The following DENND1A variants were observed in gnomAD, a reference collection of about 807,000 sequenced individuals.
DENND1A encodes DENN domain containing 1A.
A neutral mutation model predicts 113.7 loss-of-function variants in DENND1A; 51 were observed. The ratio of observed to expected loss-of-function variants is 0.45; its 90% CI spans 0.36 to 0.57. DENND1A has a LOEUF of 0.57. DENND1A is among the 20% of genes least tolerant of loss of function. The probability of loss-of-function intolerance (pLI) is 0.00; values close to 1 mark genes in which losing one functional copy is unlikely to be tolerated. For synonymous variants in DENND1A, 565 were observed against 570.8 expected, an observed-to-expected ratio of 0.99 and a Z score of 0.14; for missense variants, 1,258 against 1,395.9, an observed-to-expected ratio of 0.90 and a Z score of 1.57.
intron 8 of DENND1A, among the ~76,000 whole-genome samples, chr9:123,662,490 G>C (rs2063291783): frequency 6.6e-6 from 1 of 152,196 alleles, no homozygotes; most frequent in South Asian, 2.1e-4. Flanking sequence ...TTGAGCCCAG[G>C]AGGTGGAGTT....
intron 21 of DENND1A, among the ~76,000 whole-genome samples, chr9:123,397,771 C>A (rs766801468): frequency 6.6e-6 from 1 of 152,216 alleles, no homozygotes; most frequent in Non-Finnish European, 1.5e-5. Flanking sequence ...TCCAGATTGT[C>A]TATCAGGCTA....
At chr9:123,396,044 C>A (rs773412870) in intron 21 of DENND1A, among the ~76,000 whole-genome samples, 100 of 152,086 alleles carry the variant, frequency 6.6e-4, no homozygotes, top group Non-Finnish European at 1.3e-3. Flanking sequence ...CGGTCACCGC[C>A]AGATCAGGAG....
At chr9:123,582,402 T>C (rs190313252) in intron 12 of DENND1A, among the ~76,000 whole-genome samples, 3 of 151,172 alleles carry the variant, frequency 2.0e-5, no homozygotes, top group South Asian at 2.1e-4. Context: ...CTTCTAACTT[T>C]CTTTTTTTTT....
intron 2 of DENND1A, among the ~76,000 whole-genome samples, chr9:123,868,590 G>T (rs1846104403): frequency 6.6e-6 from 1 of 152,150 alleles, no homozygotes; most frequent in Admixed American, 6.5e-5. Flanking sequence ...CAAACTCACT[G>T]CTCAAAAGGA....
At chr9:123,739,174 AGAG>A (rs1232986429) in intron 5 of DENND1A, among the ~76,000 whole-genome samples, 2 of 152,120 alleles carry the variant, frequency 1.3e-5, no homozygotes, top group Non-Finnish European at 2.9e-5. Context: ...AAAGTTAGGA[AGAG>A]GAGGATTTGT....
intron 5 of DENND1A, among the ~76,000 whole-genome samples, chr9:123,746,770 G>A (rs1471443658): frequency 6.6e-6 from 1 of 152,046 alleles, no homozygotes; most frequent in African/African-American, 2.4e-5. Flanking sequence ...TTAACAAAGA[G>A]TACAATGAAA....
chr9:123,920,005 C>T (rs1855932928), intron 1 of DENND1A, among the ~76,000 whole-genome samples: 1 of 151,348 alleles, frequency 6.6e-6, no homozygotes, highest in Non-Finnish European at 1.5e-5. Context: ...CTAGGTAAAA[C>T]ATAAATTAAG....
intron 11 of DENND1A, among the ~76,000 whole-genome samples, chr9:123,604,302 GAGA>G (rs1356379661): frequency 6.6e-6 from 1 of 152,162 alleles, no homozygotes; most frequent in Non-Finnish European, 1.5e-5. Context: ...CTCTTCCTCT[GAGA>G]AGCATTATTC....
At chr9:123,519,302 T>C (rs1367466272) in intron 13 of DENND1A, among the ~76,000 whole-genome samples, 4 of 152,230 alleles carry the variant, frequency 2.6e-5, no homozygotes, top group African/African-American at 4.8e-5. Flanking sequence ...TCACTATTGT[T>C]GGCTGCCCAC....
intron 2 of DENND1A, among the ~76,000 whole-genome samples, chr9:123,815,809 C>T (rs1001981559): frequency 1.3e-5 from 2 of 152,008 alleles, no homozygotes; most frequent in African/African-American, 4.8e-5. Context: ...TGTGAGGAGG[C>T]TAAAACGTGT....
chr9:123,840,567 C>G (rs1841680890), intron 2 of DENND1A, among the ~76,000 whole-genome samples: 2 of 152,258 alleles, frequency 1.3e-5, no homozygotes, highest in East Asian at 3.9e-4. Context: ...AGCAGAATAG[C>G]TGACACATGA....
chr9:123,863,241 A>C (rs1845313696), intron 2 of DENND1A, among the ~76,000 whole-genome samples: 1 of 152,222 alleles, frequency 6.6e-6, no homozygotes, highest in Non-Finnish European at 1.5e-5. Context: ...GAGGACCAGA[A>C]CACAAAGTAG....
rs530502915 is a variant in DENND1A, at chr9:123,450,739, T to C, written c.1310A>G (p.His437Arg). 1.7e-5 allele frequency: 28 copies of C among 1,611,900 alleles called. No homozygotes were observed. In the African/African-American group the frequency reaches 2.0e-4, roughly 12 times the overall value. The change falls in exon 18 of 24, where the codon CAT (histidine) becomes CGT (arginine). Residue 437 changes from histidine to arginine, a missense_variant. His to Arg is a conservative substitution (Grantham distance 29). Around this residue, in one of 2 missense-constraint regions of DENND1A, gnomAD observed 1,159 missense variants for 1,231.7 expected, o/e 0.94. Transcript: ENST00000394215. ...CACCTCTTTTATTCCCATTTTTGCA[T>C]GATCTTTTGCCTGCATGAAAAATTA... ...MKTVYKFAKD[H>R]AKMGIKEVKN...
chr9:123,637,951 GCGCACACACA>G (rs2061801664), intron 9 of DENND1A, among the ~76,000 whole-genome samples: 1 of 17,726 alleles, frequency 5.6e-5, no homozygotes, highest in African/African-American at 1.5e-4. Context: ...ACACACACAC[GCGCACACACA>G]CACACACACA....
chr9:123,576,535 G>A (rs906833686), intron 12 of DENND1A, among the ~76,000 whole-genome samples: 1 of 152,046 alleles, frequency 6.6e-6, no homozygotes, highest in Admixed American at 6.6e-5. Context: ...TTCTAGCTCT[G>A]TTTCCCAGGC....
intron 5 of DENND1A, among the ~76,000 whole-genome samples, chr9:123,708,453 G>A (rs1403237322): frequency 6.6e-6 from 1 of 152,060 alleles, no homozygotes; most frequent in Admixed American, 6.5e-5. Flanking sequence ...TGCATTGCTT[G>A]CACAATATTT....
chr9:123,739,241 A>G (rs2068804473), intron 5 of DENND1A, among the ~76,000 whole-genome samples: 1 of 152,120 alleles, frequency 6.6e-6, no homozygotes, highest in Non-Finnish European at 1.5e-5. Flanking sequence ...TAGACACTGG[A>G]GCAGGCAGTG....
intron 5 of DENND1A, among the ~76,000 whole-genome samples, chr9:123,719,808 G>A (rs910845013): frequency 2.6e-4 from 40 of 152,086 alleles, no homozygotes; most frequent in Non-Finnish European, 1.5e-4. Flanking sequence ...ACAAAGTTTT[G>A]ACTAAATTTT....
At chr9:123,423,987 T>G (rs1588460268) in intron 19 of DENND1A, among the ~76,000 whole-genome samples, 1 of 152,076 alleles carries the variant, frequency 6.6e-6, no homozygotes, top group African/African-American at 2.4e-5. Flanking sequence ...GCTGGCAACC[T>G]GGAGGGAAGG....
Sources: gnomAD v4.1 joint callset for allele counts (sites outside exome capture counted in the v4.1 genomes callset) on GRCh38, gnomAD v4.1.1 for gene constraint, gnomAD v4.1.1 regional missense constraint, MANE v1.5 for transcripts, NCBI Gene and HGNC (gene_info 2026-07-23, HGNC 2026-07-21) for gene names.